Variants in CELF2 observed in about 807,000 individuals in gnomAD.
CELF2 encodes the protein CUGBP Elav-like family member 2.
In CELF2, 8 loss-of-function variants were observed where a neutral mutation model predicts 62.6. That is an observed-to-expected ratio of 0.13 (90% confidence interval 0.07 to 0.23). The LOEUF is 0.23. Among genes scored for constraint, CELF2 ranks in the 10% least tolerant of loss-of-function variants. The pLI is 1.00. For missense variants in CELF2, 333 were observed against 671.0 expected, an observed-to-expected ratio of 0.50 and a Z score of 5.56; for synonymous variants, 258 against 250.0, an observed-to-expected ratio of 1.03 and a Z score of -0.30.
At chr10:10,618,569 TG>T in the CELF2 span, among the ~76,000 whole-genome samples, 2 of 152,096 alleles carry the variant, frequency 1.3e-5, no homozygotes, top group African/African-American at 4.8e-5. Flanking sequence ...ACGCTTATGG[TG>T]GGGCACTGAA....
At chr10:10,790,922 C>A in the CELF2 span, among the ~76,000 whole-genome samples, 2 of 152,064 alleles carry the variant, frequency 1.3e-5, no homozygotes, top group Non-Finnish European at 2.9e-5. Flanking sequence ...TCAAATTTGG[C>A]CTCTGTCACC....
At chr10:10,572,715 C>T in the CELF2 span, among the ~76,000 whole-genome samples, 1 of 152,156 alleles carries the variant, frequency 6.6e-6, no homozygotes. Context: ...GCATAATATT[C>T]CATGGTGTAT....
At chr10:10,631,502 A>T in the CELF2 span, among the ~76,000 whole-genome samples, 1 of 152,196 alleles carries the variant, frequency 6.6e-6, no homozygotes, top group African/African-American at 2.4e-5. Context: ...GTTTCATCCC[A>T]CCACCACCCA....
At chr10:10,650,281 A>C in the CELF2 span, among the ~76,000 whole-genome samples, 3 of 152,240 alleles carry the variant, frequency 2.0e-5, no homozygotes, top group Non-Finnish European at 4.4e-5. Flanking sequence ...ATGGCATGCA[A>C]AGTGTAAGAC....
rs1017300234 is a variant in CELF2 at position 11,237,217 on chromosome 10, A to C, written c.355-11936A>C. 9.2e-5 allele frequency among the ~76,000 whole-genome samples: 14 copies of C among 152,192 alleles called. No homozygotes were observed. The highest frequency in any genetic ancestry group is 1.5e-4 in the Non-Finnish European group (10 of 68,006). ...AAAAGAAATTAGGAGAGAGAGAGAG[A>C]GCTAAACTGAGGATTTCAAGGGGTA... On this transcript the variant is annotated intron_variant, in intron 3 of 12. Transcript: ENST00000633077. This position sits in a 1 kb window ranked among gnomAD's most constrained non-coding sequence, Gnocchi z 4.0.
At chr10:10,950,735 G>A (rs2048228385) in intron 2 of CELF2, among the ~76,000 whole-genome samples, 1 of 152,152 alleles carries the variant, frequency 6.6e-6, no homozygotes, top group Admixed American at 6.5e-5. Context: ...TTGCCTCGGG[G>A]CACAAGTACA....
At chr10:11,034,161 C>A (rs1357333449) in intron 1 of CELF2, among the ~76,000 whole-genome samples, 1 of 152,074 alleles carries the variant, frequency 6.6e-6, no homozygotes, top group Non-Finnish European at 1.5e-5. Context: ...TTGACTTTGC[C>A]TGTATTTTCT....
chr10:10,982,277 G>A (rs888480818), intron 2 of CELF2, among the ~76,000 whole-genome samples: 2 of 151,924 alleles, frequency 1.3e-5, no homozygotes, highest in Non-Finnish European at 2.9e-5. Context: ...TACTTCCTGA[G>A]GCCCATACAA....
chr10:10,970,345 GT>G (rs2050632395), intron 2 of CELF2, among the ~76,000 whole-genome samples: 1 of 152,170 alleles, frequency 6.6e-6, no homozygotes, highest in Non-Finnish European at 1.5e-5. Flanking sequence ...GGGATTACAG[GT>G]GTAAGCCACC....
chr10:10,847,263 A>G (rs1364597592), intron 1 of CELF2, among the ~76,000 whole-genome samples: 1 of 152,168 alleles, frequency 6.6e-6, no homozygotes, highest in East Asian at 1.9e-4. Context: ...AATGGCCTAC[A>G]TTAGGTGCAA....
At chr10:10,834,204 C>G (rs34065807) in intron 1 of CELF2, among the ~76,000 whole-genome samples, 19,388 of 152,154 alleles carry the variant, frequency 0.13, 1,608 homozygotes, top group Non-Finnish European at 0.19. Flanking sequence ...CGAAGTAACT[C>G]AGGAACAGAA....
At chr10:11,307,889 C>T (rs967051226) in intron 9 of CELF2, among the ~76,000 whole-genome samples, 1 of 152,166 alleles carries the variant, frequency 6.6e-6, no homozygotes, top group Non-Finnish European at 1.5e-5. Flanking sequence ...CCCTGCTCAC[C>T]ACAGAGGCAG....
chr10:11,107,187 C>T (rs980137430), intron 1 of CELF2, among the ~76,000 whole-genome samples: 6 of 152,220 alleles, frequency 3.9e-5, no homozygotes, highest in Non-Finnish European at 8.8e-5. Context: ...GCAAGGCGGC[C>T]AACTCAGGTG....
chr10:10,510,345 A>T, the CELF2 span, among the ~76,000 whole-genome samples: 1 of 152,234 alleles, frequency 6.6e-6, no homozygotes, highest in East Asian at 1.9e-4. Context: ...CTTCCTAGTA[A>T]TAGGAGCATT....
At chr10:10,589,422 C>T in the CELF2 span, among the ~76,000 whole-genome samples, 1 of 152,208 alleles carries the variant, frequency 6.6e-6, no homozygotes, top group Non-Finnish European at 1.5e-5. Flanking sequence ...ACTATCCCTT[C>T]CCATCATAGC....
the CELF2 span, among the ~76,000 whole-genome samples, chr10:10,585,586 A>G: frequency 6.6e-6 from 1 of 152,322 alleles, no homozygotes; most frequent in East Asian, 1.9e-4. Context: ...TTGGAAATAA[A>G]GGTGCATTTG....
chr10:11,044,688 C>G (rs1179138419), intron 1 of CELF2, among the ~76,000 whole-genome samples: 3 of 152,064 alleles, frequency 2.0e-5, no homozygotes, highest in African/African-American at 7.2e-5. Flanking sequence ...ACGATAATAG[C>G]CTTTTATTAC....
intron 8 of CELF2, among the ~76,000 whole-genome samples, chr10:11,283,878 T>C (rs1370927013): frequency 6.3e-5 from 9 of 143,114 alleles, no homozygotes; most frequent in Non-Finnish European, 7.6e-5. Flanking sequence ...GGATGATGGA[T>C]GGAGGGGTGG....
rs1471273112 is a variant in CELF2, at chr10:10,957,415, G to A, written c.89+37416G>A. Among the ~76,000 whole-genome samples, 1 of 152,106 alleles carries A rather than the reference G, an allele frequency of 6.6e-6. No homozygotes were observed. Among genetic ancestry groups the A allele is most frequent in the East Asian group, 1.9e-4 (1 of 5,190 alleles). ...AGATGCCTTCTGTTTGAATGTAAGA[G>A]GATGAATTGATTCACCTGTGAGGCA... On this transcript the variant is annotated intron_variant, in intron 2 of 13. Transcript: ENST00000636488. This position sits in a 1 kb window ranked among gnomAD's most constrained non-coding sequence, Gnocchi z 4.1.
Sources: gnomAD v4.1 joint callset for allele counts (sites outside exome capture counted in the v4.1 genomes callset) on GRCh38, gnomAD v4.1.1 for gene constraint, Gnocchi (gnomAD v3.1) non-coding constraint, MANE v1.5 for transcripts, NCBI Gene and HGNC (gene_info 2026-07-23, HGNC 2026-07-21) for gene names.